Variants in PHACTR3 observed in about 807,000 individuals in gnomAD.
PHACTR3 encodes phosphatase and actin regulator 3.
PHACTR3 carries 16 observed loss-of-function variants against 66.8 expected under a neutral mutation model. The ratio of observed to expected loss-of-function variants is 0.24; its 90% CI spans 0.16 to 0.36. The LOEUF is 0.36. Among genes scored for constraint, PHACTR3 ranks in the 10% least tolerant of loss-of-function variants. PHACTR3 has a pLI of 1.00. For synonymous variants in PHACTR3, 323 were observed against 292.1 expected (o/e 1.11, Z -1.08); for missense variants, 647 against 719.9 (o/e 0.90, Z 1.16).
At chr20:59,652,215 G>A (rs1414127969) in intron 1 of PHACTR3, among the ~76,000 whole-genome samples, 1 of 152,116 alleles carries the variant, frequency 6.6e-6, no homozygotes, top group Non-Finnish European at 1.5e-5. Flanking sequence ...ATGAGGGAAG[G>A]CATGTGCTTT....
chr20:59,839,920 T>C (rs2145507996), intron 9 of PHACTR3, among the ~76,000 whole-genome samples: 1 of 152,190 alleles, frequency 6.6e-6, no homozygotes, highest in East Asian at 1.9e-4. Context: ...GTCTGTACGC[T>C]TATTAAGGAA....
intron 1 of PHACTR3, among the ~76,000 whole-genome samples, chr20:59,605,851 G>GGT (rs2033646469): frequency 7.8e-6 from 1 of 128,732 alleles, no homozygotes; most frequent in Non-Finnish European, 1.7e-5. Context: ...TAAAGCGGGG[G>GGT]GGGAGGTGGG....
Position 59,743,145 on chromosome 20 carries a change from C to T in PHACTR3, c.157C>T (p.Leu53=), listed in dbSNP as rs765321423. The change falls in exon 2 of 13, where the codon CTG becomes TTG. Residue 53 remains leucine (L), a synonymous_variant. Transcript: ENST00000371015. The part of the protein sequence containing the change: ...DQTPPARPEY[L]VSGIRTPPVR... The stretch of plus-strand genomic sequence containing the variant: ...AACGCCCCCGGCGCGTCCTGAATAT[C>T]TGGTCTCAGGGATTCGAACTCCCCC... The T allele has an allele frequency of 1.2e-6, 2 of 1,614,050 alleles. No individual in the cohort carries two copies. The highest frequency in any genetic ancestry group is 1.7e-6 in the Non-Finnish European group (2 of 1,179,948).
At chr20:59,637,909 T>C (rs2146413192) in intron 1 of PHACTR3, among the ~76,000 whole-genome samples, 1 of 152,318 alleles carries the variant, frequency 6.6e-6, no homozygotes, top group Admixed American at 6.5e-5. Context: ...ACATACTTTA[T>C]CTTCCTGAAG....
chr20:59,723,502 G>A (rs562748288), intron 1 of PHACTR3, among the ~76,000 whole-genome samples: 30 of 152,206 alleles, frequency 2.0e-4, no homozygotes, highest in Admixed American at 1.5e-3. Context: ...CCATTCATCC[G>A]TTGATGGGCA....
At chr20:59,781,144 C>T (rs1452978730) in intron 7 of PHACTR3, among the ~76,000 whole-genome samples, 2 of 152,244 alleles carry the variant, frequency 1.3e-5, no homozygotes, top group South Asian at 2.1e-4. Context: ...GTCCCTGCCG[C>T]TGCATAGGTA....
intron 2 of PHACTR3, among the ~76,000 whole-genome samples, chr20:59,747,043 TTG>T: frequency 6.6e-6 from 1 of 152,184 alleles, no homozygotes; most frequent in African/African-American, 2.4e-5. Context: ...AAGAAGATGA[TTG>T]TGGAGCAGCC....
At chr20:59,635,764 G>T (rs1447598558) in intron 1 of PHACTR3, among the ~76,000 whole-genome samples, 1 of 152,192 alleles carries the variant, frequency 6.6e-6, no homozygotes, top group Non-Finnish European at 1.5e-5. Flanking sequence ...TGCATGGGGT[G>T]TGCCCCCACT....
At chr20:59,719,365 A>C (rs906770246) in intron 1 of PHACTR3, among the ~76,000 whole-genome samples, 3 of 152,108 alleles carry the variant, frequency 2.0e-5, no homozygotes, top group African/African-American at 7.2e-5. Context: ...GGGTTTTACC[A>C]TCTTGGCCAG....
intron 8 of PHACTR3, among the ~76,000 whole-genome samples, chr20:59,828,795 G>A (rs959186570): frequency 6.6e-6 from 1 of 152,056 alleles, no homozygotes; most frequent in Non-Finnish European, 1.5e-5. Context: ...CCTGAGGATG[G>A]TGGGAACCCG....
chr20:59,745,496 T>G (rs989120984), intron 2 of PHACTR3, among the ~76,000 whole-genome samples: 2 of 152,266 alleles, frequency 1.3e-5, no homozygotes, highest in Non-Finnish European at 2.9e-5. Flanking sequence ...TTCGGGCATC[T>G]GGAAATTCGA....
chr20:59,840,263 G>C (rs2059034196), intron 9 of PHACTR3, 106 bp from the exon 10 acceptor site: 8 of 1,475,972 alleles, frequency 5.4e-6, no homozygotes, highest in African/African-American at 2.8e-5. Context: ...ATTAACTTCA[G>C]CTCCCAGAAA....
chr20:59,789,820 A>T (rs2146952527), intron 7 of PHACTR3, among the ~76,000 whole-genome samples: 1 of 152,238 alleles, frequency 6.6e-6, no homozygotes, highest in South Asian at 2.1e-4. Context: ...CTTTCCTGGG[A>T]TTCATTACTC....
At chr20:59,812,814 G>A (rs1172160645) in intron 8 of PHACTR3, among the ~76,000 whole-genome samples, 4 of 152,182 alleles carry the variant, frequency 2.6e-5, no homozygotes, top group East Asian at 1.9e-4. Context: ...CTGCCGTGAC[G>A]CTGGGCAGGT....
intron 1 of PHACTR3, among the ~76,000 whole-genome samples, chr20:59,624,429 C>T (rs955822711): frequency 1.2e-4 from 18 of 152,146 alleles, no homozygotes; most frequent in Admixed American, 2.6e-4. Flanking sequence ...CCTGACTTGA[C>T]GCATCTGCCA....
chr20:59,709,717 TGC>T (rs1162013844), intron 1 of PHACTR3, among the ~76,000 whole-genome samples: 1 of 152,172 alleles, frequency 6.6e-6, no homozygotes, highest in Non-Finnish European at 1.5e-5. Context: ...AGATTTTTCA[TGC>T]CTTGAGCCTC....
At chr20:59,605,612 G>A (rs1335331217) in intron 1 of PHACTR3, among the ~76,000 whole-genome samples, 1 of 152,218 alleles carries the variant, frequency 6.6e-6, no homozygotes, top group East Asian at 1.9e-4. Context: ...TGACTCCAGC[G>A]GGGCCTGGCG....
At chr20:59,714,365 G>GTAT (rs1254976590) in intron 1 of PHACTR3, among the ~76,000 whole-genome samples, 5 of 152,156 alleles carry the variant, frequency 3.3e-5, no homozygotes, top group Non-Finnish European at 4.4e-5. Flanking sequence ...TTAATTTTAT[G>GTAT]TATGGTATGA....
intron 1 of PHACTR3, among the ~76,000 whole-genome samples, chr20:59,578,264 A>G (rs2032771901): frequency 6.6e-6 from 1 of 152,232 alleles, no homozygotes; most frequent in South Asian, 2.1e-4. Flanking sequence ...GAGTGGCCTC[A>G]GGCCTCCTGG....
Sources: allele counts gnomAD v4.1 joint callset (sites outside exome capture counted in the v4.1 genomes callset), GRCh38; gene constraint gnomAD v4.1.1; transcripts MANE v1.5; gene names NCBI Gene and HGNC (gene_info 2026-07-23, HGNC 2026-07-21).